Variants in ANO8 observed in about 807,000 individuals in gnomAD.
ANO8 encodes the protein anoctamin 8.
A neutral mutation model predicts 120.4 loss-of-function variants in ANO8; 67 were observed. The ratio of observed to expected loss-of-function variants is 0.56; its 90% CI spans 0.46 to 0.68. The LOEUF is 0.68. Among genes scored for constraint, ANO8 ranks in the 30% least tolerant of loss-of-function variants. ANO8 has a pLI of 0.00. For synonymous variants in ANO8, 727 were observed against 759.2 expected, an observed-to-expected ratio of 0.96 and a Z score of 0.70; for missense variants, 1,526 against 1,737.6, an observed-to-expected ratio of 0.88 and a Z score of 2.16.
At chr19:17,328,139 G>A (rs1792722072) in intron 13 of ANO8, 23 bp downstream of exon 13, 4 of 1,510,150 alleles carry the variant, frequency 2.6e-6, no homozygotes, top group Non-Finnish European at 3.5e-6. Context: ...CCCGCCCCCT[G>A]CGAGGCCCCG....
chr19:17,333,782 C>G lies in ANO8; in HGVS notation c.125G>C (p.Arg42Pro). Residue 42 changes from arginine to proline, a missense_variant, in exon 2 of 18, where the codon CGG becomes CCG. By Grantham distance (103) the Arg-to-Pro change is moderately radical. This residue lies in a region of ANO8 where 322 missense variants were observed against 431.8 expected (regional missense o/e 0.75). Transcript: ENST00000159087. This position sits in a 1 kb window ranked among gnomAD's most constrained non-coding sequence, Gnocchi z 7.2. ...CAGGTAGCGACCAGCCTGCAGGAGC[C>G]GCTTTCCGAAAAGCTTATCTAGGGG... ...SGVLDKLFGK[R>P]LLQAGRYLVS... is the part of the protein sequence containing the mutation. 3 of 1,601,846 alleles carry G rather than the reference C, an allele frequency of 1.9e-6. No homozygotes were observed. Among genetic ancestry groups the G allele is most frequent in the Non-Finnish European group, 2.6e-6 (3 of 1,175,444 alleles).
Position 17,323,317 on chromosome 19 carries a change from GT to G in ANO8, c.*199del. The G allele has an allele frequency of 3.4e-6, 1 of 293,242 alleles. No homozygotes were observed. Among genetic ancestry groups the G allele is most frequent in the Non-Finnish European group, 5.7e-6 (1 of 174,488 alleles). 18.2% of individuals were successfully genotyped at this position (293,242 alleles called of 1,614,324 possible). ...AAATAAATAATCGCCTGTTCTGTGT[GT>G]GTGTGTGTGTGTGTGTGTGTGTGTG... On this transcript the variant is annotated 3_prime_UTR_variant, in exon 18 of 18. Coordinates refer to ENST00000159087, the MANE Select transcript of ANO8 (RefSeq NM_020959.3).
rs2074249794 is a variant in ANO8 at position 17,323,309 on chromosome 19, TTCTGTGTGTGTGTGTG to T, written c.*192_*207del. On this transcript the variant is annotated 3_prime_UTR_variant, in exon 18 of 18. Transcript: ENST00000159087. ...TTAAAAACAAATAAATAATCGCCTG[TTCTGTGTGTGTGTGTG>T]TGTGTGTGTGTGTGTGTGTTTTCTG... 1 of 205,530 alleles carries T rather than the reference TTCTGTGTGTGTGTGTG, an allele frequency of 4.9e-6. No individual in the cohort carries two copies. The highest frequency in any genetic ancestry group is 4.1e-5 in the African/African-American group (1 of 24,558). 12.7% of individuals were successfully genotyped at this position (205,530 alleles called of 1,614,324 possible).
In ANO8 at chr19:17,329,844, G is replaced by A. The variant is rs73511899; in HGVS notation, c.1330-13C>T. On this transcript the variant is annotated splice_polypyrimidine_tract_variant and intron_variant, in intron 11 of 17. Transcript: ENST00000159087. ...TGACAAACTGGAACTGCAGGAAGGA[G>A]GCAGGCGGTGGTCATCCTGCACCCC... The A allele has an allele frequency of 9.6e-4, 1,550 of 1,613,824 alleles. 6 individuals are homozygous for A. The African/African-American group carries it at 0.018, about 18-fold the overall frequency.
chr19:17,324,794 C>A lies in ANO8; in HGVS notation c.3254G>T (p.Arg1085Leu). The change falls in exon 17 of 18, where the codon CGG becomes CTG. Residue 1085 changes from arginine to leucine, a missense_variant. Arg to Leu is a moderately radical substitution (Grantham distance 102). Transcript: ENST00000159087. The part of the protein sequence containing the change: ...PDGTPSSGSS[R>L]VQRSGPVDEA... ...GTCCACCGGCCCACTCCTCTGAACC[C>A]GGCTGCTGCCACTGCTGGGGGTCCC... 1 of 1,592,606 alleles carries A rather than the reference C, an allele frequency of 6.3e-7. No individual in the cohort carries two copies. The highest frequency in any genetic ancestry group is 1.8e-5 in the Admixed American group (1 of 56,948).
intron 16 of ANO8, 51 bp downstream of exon 16, chr19:17,327,184 C>A: frequency 7.0e-7 from 1 of 1,430,020 alleles, no homozygotes; most frequent in Non-Finnish European, 9.5e-7. Flanking sequence ...GATCAGAGAT[C>A]CACCAGCAGC....
At chr19:17,324,579 T>C in intron 17 of ANO8, 138 bp downstream of exon 17, 3 of 1,407,458 alleles carry the variant, frequency 2.1e-6, no homozygotes, top group Non-Finnish European at 2.8e-6. Context: ...AGGCTCCACG[T>C]ACCACTGACC....
Position 17,323,861 on chromosome 19 carries a change from C to T in ANO8, c.3355G>A (p.Ala1119Thr), listed in dbSNP as rs1419870692. The T allele has an allele frequency of 1.3e-4, 142 of 1,121,608 alleles. 1 individual carries two copies. Among genetic ancestry groups the T allele is most frequent in the Middle Eastern group, 3.8e-4 (1 of 2,638 alleles). The allele number at this position is 1,121,608 out of a possible 1,614,324, so 69.5% of individuals were successfully genotyped here. ...CTGCGGCGGGTGCGGAGGGCAGGGG[C>T]GCCCACGGGGGCCAGCGCTGTCCCT... The part of the protein sequence containing the change: ...GSGTALAPVG[A>T]PALRTRRSRS... The change falls in exon 18 of 18, where the codon GCC (alanine) becomes ACC (threonine). Residue 1119 changes from alanine to threonine, a missense_variant. Transcript: ENST00000159087.
chr19:17,334,403 C>T lies in ANO8; in HGVS notation c.106+162G>A, dbSNP rs576306138. Among the ~76,000 whole-genome samples, 786 of 152,274 alleles carry T rather than the reference C, an allele frequency of 5.2e-3. 6 individuals are homozygous for T. Among genetic ancestry groups the T allele is most frequent in the African/African-American group, 0.017 (726 of 41,576 alleles). On this transcript the variant is annotated intron_variant, in intron 1 of 17. Transcript: ENST00000159087. Reference sequence around the variant, plus strand: ...CGGGACCCCAGCCCGAAGCACCGTCCCAGCCCCGCCCGCCGGGCCGCAGCC... The same window carrying T: ...CGGGACCCCAGCCCGAAGCACCGTCTCAGCCCCGCCCGCCGGGCCGCAGCC...
chr19:17,330,689 C>T, intron 8 of ANO8, 139 bp downstream of exon 8: 1 of 1,423,744 alleles, frequency 7.0e-7, no homozygotes, highest in Non-Finnish European at 9.4e-7. Context: ...CTGGGGAGCA[C>T]ACAGAGCCCG....
At chr19:17,331,273 C>G in intron 6 of ANO8, 22 bp downstream of exon 6, 1 of 1,614,158 alleles carries the variant, frequency 6.2e-7, no homozygotes, top group Non-Finnish European at 8.5e-7. Flanking sequence ...GACTCCCTCC[C>G]ACCCCCCAGC....
At position 17,324,990 on chromosome 19, in the gene ANO8, G is replaced by A. The variant is rs578184119; in HGVS notation, c.3058C>T (p.Arg1020Cys). 5.6e-6 allele frequency: 9 copies of A among 1,613,034 alleles called. No individual in the cohort carries two copies. In the East Asian group the frequency reaches 1.1e-4, roughly 20 times the overall value. ...TTGAAGCTGAGGAAGGCAGGCAGGC[G>A]GGTGTCGCTGCCTGTGGGTGACTGG... is the stretch of plus-strand genomic sequence containing the variant. ...PAQSPTGSDT[R>C]LPAFLSFKFL... is the part of the protein sequence containing the mutation. Residue 1020 changes from arginine (R) to cysteine (C), a missense_variant, in exon 17 of 18, where the codon CGC (arginine) becomes TGC (cysteine). Physicochemically the swap from Arg to Cys is radical, Grantham distance 180. Coordinates refer to ENST00000159087, the MANE Select transcript of ANO8 (RefSeq NM_020959.3).
At position 17,324,013 on chromosome 19, in the gene ANO8, CTG is replaced by C. The variant is rs1456565729; in HGVS notation, c.3332-131_3332-130del. 1.2e-4 allele frequency: 118 copies of C among 995,328 alleles called. No homozygotes were observed. The African/African-American group carries it at 2.0e-3, about 17-fold the overall frequency. The allele number at this position is 995,328 out of a possible 1,614,324, so 61.7% of individuals were successfully genotyped here. On this transcript the variant is annotated intron_variant, in intron 17 of 17. Transcript: ENST00000159087. ...AGGCCTTATTGCTTCTGATCAGAGACTGAGGTGGGGCGGCCCCCTGGGCGGCT... is the reference window on the plus strand; with the variant it reads ...AGGCCTTATTGCTTCTGATCAGAGACAGGTGGGGCGGCCCCCTGGGCGGCT...
In ANO8 at chr19:17,333,280, C is replaced by T. The variant is rs752594477; in HGVS notation, c.351-41G>A. On this transcript the variant is annotated intron_variant, in intron 3 of 17. Transcript: ENST00000159087. The surrounding 1 kb of genome is among the most constrained non-coding windows in gnomAD (Gnocchi z 7.2). ...AGGAGGTGGGCTCACAGGGAGGCCC[C>T]GGCCCACCATCCTGGAGCTGAGGAT... The T allele has an allele frequency of 1.6e-5, 26 of 1,601,896 alleles. No individual in the cohort carries two copies. Among genetic ancestry groups the T allele is most frequent in the South Asian group, 1.4e-4 (13 of 90,490 alleles).
rs1028033150 is a variant in ANO8, at chr19:17,330,119, T to C, written c.1273+6A>G. ...TTCCTCCCAGAGACCCCCTGGCAGG[T>C]CGTACCCATGTCATTGAGCCAGATG... On this transcript the variant is annotated splice_donor_region_variant and intron_variant, in intron 10 of 17. Coordinates refer to ENST00000159087, the MANE Select transcript of ANO8 (RefSeq NM_020959.3). 1.9e-6 allele frequency: 3 copies of C among 1,613,876 alleles called. No individual in the cohort carries two copies. The highest frequency in any genetic ancestry group is 2.5e-6 in the Non-Finnish European group (3 of 1,179,974).
chr19:17,332,849 C>T (rs894848568), intron 5 of ANO8, 81 bp downstream of exon 5: 1 of 1,525,092 alleles, frequency 6.6e-7, no homozygotes, highest in Non-Finnish European at 9.0e-7. Context: ...CTGGGCCCCG[C>T]CCTCCTGCTC....
rs1599541237 is a variant in ANO8 at position 17,323,555 on chromosome 19, T to G, written c.3661A>C (p.Ser1221Arg). The G allele has an allele frequency of 8.7e-7, 1 of 1,144,004 alleles. No homozygotes were observed. The highest frequency in any genetic ancestry group is 1.1e-6 in the Non-Finnish European group (1 of 931,636). The allele number at this position is 1,144,004 out of a possible 1,614,324, so 70.9% of individuals were successfully genotyped here. The change falls in exon 18 of 18, where the codon AGC becomes CGC. Residue 1221 changes from serine to arginine, a missense_variant. Physicochemically the swap from Ser to Arg is moderately radical, Grantham distance 110. Coordinates refer to ENST00000159087, the MANE Select transcript of ANO8 (RefSeq NM_020959.3). ...TPAPSPSPSP[S>R]PQAVCWPSGW... is the part of the protein sequence containing the mutation. ...CTGGGCCAGCACACGGCCTGGGGGC[T>G]GGGGCTGGGGCTAGGGGAGGGCGCT...
rs572318281 is a variant in ANO8 at position 17,328,175 on chromosome 19, A to G, written c.2213T>C (p.Met738Thr). Reference protein sequence around the residue: ...QLTQAELESCMKKYEDTFQDY... With the variant: ...QLTQAELESCTKKYEDTFQDY... ...CCCCCTCCTCACCTCGTACTTCTTC[A>G]TACAGCTCTCCAGCTCTGCCTGGGT... is the stretch of plus-strand genomic sequence containing the variant. The change falls in exon 13 of 18, where the codon ATG becomes ACG. Residue 738 changes from methionine (M) to threonine (T), a missense_variant. Met to Thr is a moderately conservative substitution (Grantham distance 81). Coordinates refer to ENST00000159087, the MANE Select transcript of ANO8 (RefSeq NM_020959.3). 6.5e-7 allele frequency: 1 copy of G among 1,548,258 alleles called. No individual in the cohort carries two copies. The highest frequency in any genetic ancestry group is 1.4e-5 in the African/African-American group (1 of 71,104).
At position 17,331,219 on chromosome 19, in the gene ANO8, C is replaced by T; in HGVS notation, c.704-4G>A. 6.2e-7 allele frequency: 1 copy of T among 1,614,166 alleles called. No individual in the cohort carries two copies. Among genetic ancestry groups the T allele is most frequent in the Admixed American group, 1.7e-5 (1 of 60,022 alleles). The stretch of plus-strand genomic sequence containing the variant: ...CCAAAGTAATCACAGATGTCATCTG[C>T]CAGGGGACAAGTGGGTCTCAGTCAC... On this transcript the variant is annotated splice_polypyrimidine_tract_variant and splice_region_variant and intron_variant, in intron 6 of 17. Coordinates refer to ENST00000159087, the MANE Select transcript of ANO8 (RefSeq NM_020959.3).
Sources: gnomAD v4.1 joint callset for allele counts (sites outside exome capture counted in the v4.1 genomes callset) on GRCh38, gnomAD v4.1.1 for gene constraint, gnomAD v4.1.1 regional missense constraint, Gnocchi (gnomAD v3.1) non-coding constraint, MANE v1.5 for transcripts, NCBI Gene and HGNC (gene_info 2026-07-23, HGNC 2026-07-21) for gene names.